CFAP20DC: variants seen among roughly 807,000 people sequenced by gnomAD.
The protein encoded by CFAP20DC is CFAP20 domain containing.
A neutral mutation model predicts 101.7 loss-of-function variants in CFAP20DC; 84 were observed. The observed-to-expected ratio is 0.83, with a 90% CI of 0.69 to 0.99. The LOEUF (loss-of-function observed/expected upper bound fraction) is 0.99. CFAP20DC is among the 50% of genes least tolerant of loss of function. CFAP20DC has a pLI of 0.00. For missense variants in CFAP20DC, 1,007 were observed against 970.3 expected, an observed-to-expected ratio of 1.04 and a Z score of -0.50; for synonymous variants, 359 against 351.2, an observed-to-expected ratio of 1.02 and a Z score of -0.25.
chr3:58,956,956 C>T (rs974892474), intron 4 of CFAP20DC, among the ~76,000 whole-genome samples: 3 of 152,146 alleles, frequency 2.0e-5, no homozygotes, highest in African/African-American at 7.2e-5. Context: ...ACTGTCTCCA[C>T]CTGGTCCCTC....
rs189110562 is a variant in CFAP20DC, at chr3:58,822,915, C to T, written c.2175+8771G>A. Among the ~76,000 whole-genome samples, 401 of 152,222 alleles carry T rather than the reference C, an allele frequency of 2.6e-3. 3 individuals are homozygous for T. The highest frequency in any genetic ancestry group is 7.5e-3 in the South Asian group (36 of 4,816). On this transcript the variant is annotated intron_variant, in intron 14 of 16. Transcript: ENST00000482387. ...CATAAGATACTCATTTGAGAGATGC[C>T]GTCCCTATCCCCTGAAGAAAGGAAC...
At chr3:58,940,156 G>A (rs1234947763) in intron 4 of CFAP20DC, among the ~76,000 whole-genome samples, 1 of 152,200 alleles carries the variant, frequency 6.6e-6, no homozygotes, top group Non-Finnish European at 1.5e-5. Context: ...GGAACTACAA[G>A]AACATTCATT....
chr3:59,015,370 G>GGAA lies in CFAP20DC; in HGVS notation c.278+24184_278+24186dup, dbSNP rs992049997. 4.0e-5 allele frequency among the ~76,000 whole-genome samples: 6 copies of GGAA among 151,562 alleles called. No individual in the cohort carries two copies. The highest frequency in any genetic ancestry group is 4.0e-4 in the Admixed American group (6 of 15,178). On this transcript the variant is annotated intron_variant, in intron 4 of 16. Transcript: ENST00000482387. The surrounding 1 kb of genome is among the most constrained non-coding windows in gnomAD (Gnocchi z 5.4). ...AAAGGAAGAAGGAAAAGAAAAATTA[G>GGAA]GAAGAAGAAGAATAAAAGAAGTAAA...
At chr3:58,866,452 C>A in intron 11 of CFAP20DC, 114 bp downstream of exon 11, 1 of 786,536 alleles carries the variant, frequency 1.3e-6, no homozygotes, top group Non-Finnish European at 2.0e-6. Context: ...CACAAACTTA[C>A]ACATTTTAGC....
In CFAP20DC at chr3:58,815,509, G is replaced by A. The variant is rs1314624002; in HGVS notation, c.2176-9053C>T. Among the ~76,000 whole-genome samples, 14 of 150,442 alleles carry A rather than the reference G, an allele frequency of 9.3e-5. No homozygotes were observed. The East Asian group carries it at 2.7e-3, about 29-fold the overall frequency. On this transcript the variant is annotated intron_variant, in intron 14 of 16. Coordinates refer to ENST00000482387, the MANE Select transcript of CFAP20DC (RefSeq NM_001394063.1). ...CAACAAAAGCCAAAATTGACAAATG[G>A]GATCTAATTAAACTAAAGACCTTCT...
chr3:58,948,718 G>A (rs570367014), intron 4 of CFAP20DC, among the ~76,000 whole-genome samples: 15 of 152,230 alleles, frequency 9.9e-5, no homozygotes, highest in Admixed American at 2.6e-4. Context: ...TTTTTGCATC[G>A]ATGTTCATCA....
intron 4 of CFAP20DC, among the ~76,000 whole-genome samples, chr3:59,033,627 A>G (rs888325096): frequency 3.3e-5 from 5 of 152,134 alleles, no homozygotes; most frequent in Non-Finnish European, 5.9e-5. Flanking sequence ...TTAAGGAAAT[A>G]AAGGGTGAAG....
intron 15 of CFAP20DC, among the ~76,000 whole-genome samples, chr3:58,791,288 C>T (rs1023599613): frequency 1.3e-5 from 2 of 152,042 alleles, no homozygotes; most frequent in African/African-American, 2.4e-5. Context: ...ATATGCCAGG[C>T]CCTATGCAAA....
chr3:58,781,102 ATAGAG>A (rs1433920859), intron 15 of CFAP20DC, among the ~76,000 whole-genome samples: 1 of 151,976 alleles, frequency 6.6e-6, no homozygotes, highest in African/African-American at 2.4e-5. Context: ...TCAGACAACA[ATAGAG>A]TAAACCTAGA....
In CFAP20DC at chr3:58,774,182, GA is replaced by G. The variant is rs200695609; in HGVS notation, c.2238-20320del. ...ATTGTCTGATTAATTACAGACACTTGAAAAAAAATGCTATCAAGGCCTACAG... is the reference window on the plus strand; with the variant it reads ...ATTGTCTGATTAATTACAGACACTTGAAAAAAATGCTATCAAGGCCTACAG... On this transcript the variant is annotated intron_variant, in intron 15 of 16. Coordinates refer to ENST00000482387, the MANE Select transcript of CFAP20DC (RefSeq NM_001394063.1). Among the ~76,000 whole-genome samples, 15 of 151,562 alleles carry G rather than the reference GA, an allele frequency of 9.9e-5. No homozygotes were observed. The Middle Eastern group carries it at 0.014, about 137-fold the overall frequency.
rs550967116 is a variant in CFAP20DC at position 58,892,204 on chromosome 3, G to A, written c.551-7495C>T. ...TCCACTGGTCTATGTGCCTGTTTTC[G>A]TATCAGTACCATGCTCTTTTGGTTA... On this transcript the variant is annotated intron_variant, in intron 6 of 16. Coordinates refer to ENST00000482387, the MANE Select transcript of CFAP20DC (RefSeq NM_001394063.1). This position sits in a 1 kb window ranked among gnomAD's most constrained non-coding sequence, Gnocchi z 4.0. Among the ~76,000 whole-genome samples the A allele has an allele frequency of 1.1e-4, 16 of 152,200 alleles. No individual in the cohort carries two copies. The highest frequency in any genetic ancestry group is 1.0e-3 in the South Asian group (5 of 4,812).
chr3:58,952,229 G>A (rs1559887505), intron 4 of CFAP20DC, among the ~76,000 whole-genome samples: 1 of 152,124 alleles, frequency 6.6e-6, no homozygotes, highest in Non-Finnish European at 1.5e-5. Flanking sequence ...TGTTCCAGTG[G>A]TTTCAGTTAC....
At chr3:58,942,885 G>A (rs2088819680) in intron 4 of CFAP20DC, among the ~76,000 whole-genome samples, 2 of 152,192 alleles carry the variant, frequency 1.3e-5, no homozygotes, top group Non-Finnish European at 2.9e-5. Context: ...AGAGTTTGGT[G>A]GGGGAAGCGG....
intron 6 of CFAP20DC, among the ~76,000 whole-genome samples, chr3:58,887,167 T>C (rs58212056): frequency 0.1 from 15,225 of 152,258 alleles, 2,524 homozygotes; most frequent in African/African-American, 0.35. Flanking sequence ...ACTAGATTTA[T>C]AAATATTAGT....
Position 58,795,921 on chromosome 3 carries a change from A to AG in CFAP20DC, c.2237+10473dup, listed in dbSNP as rs1358066320. On this transcript the variant is annotated intron_variant, in intron 15 of 16. Transcript: ENST00000482387. This position sits in a 1 kb window ranked among gnomAD's most constrained non-coding sequence, Gnocchi z 4.2. ...CCCAAAAGAGACCTGGTCAGAGAGG[A>AG]GGCAGGTGTCTCAACTAAGGAAACT... Among the ~76,000 whole-genome samples the AG allele has an allele frequency of 6.6e-6, 1 of 152,182 alleles. No individual in the cohort carries two copies. Among genetic ancestry groups the AG allele is most frequent in the Non-Finnish European group, 1.5e-5 (1 of 68,030 alleles).
intron 4 of CFAP20DC, among the ~76,000 whole-genome samples, chr3:58,959,663 G>A (rs2090964946): frequency 6.6e-6 from 1 of 152,154 alleles, no homozygotes; most frequent in Non-Finnish European, 1.5e-5. Flanking sequence ...CTTGATTACT[G>A]TAGCTTTACA....
At chr3:58,933,875 A>G (rs2087106011) in intron 5 of CFAP20DC, among the ~76,000 whole-genome samples, 1 of 151,870 alleles carries the variant, frequency 6.6e-6, no homozygotes, top group South Asian at 2.1e-4. Flanking sequence ...GAAAAGCAAG[A>G]GCAAACACAT....
At chr3:59,009,395 A>G (rs2093525809) in intron 4 of CFAP20DC, among the ~76,000 whole-genome samples, 2 of 152,172 alleles carry the variant, frequency 1.3e-5, no homozygotes, top group South Asian at 4.1e-4. Context: ...ATACCAAAGA[A>G]AGGTAAAAAC....
chr3:58,873,060 A>T (rs1057258865), intron 7 of CFAP20DC, among the ~76,000 whole-genome samples: 1 of 146,780 alleles, frequency 6.8e-6, no homozygotes, highest in Non-Finnish European at 1.5e-5. Context: ...CTGGATAGCC[A>T]TTCTGGATGC....
Sources: gnomAD v4.1 joint callset for allele counts (sites outside exome capture counted in the v4.1 genomes callset) on GRCh38, gnomAD v4.1.1 for gene constraint, Gnocchi (gnomAD v3.1) non-coding constraint, MANE v1.5 for transcripts, NCBI Gene and HGNC (gene_info 2026-07-23, HGNC 2026-07-21) for gene names.